GRB10: variants seen among roughly 807,000 people sequenced by gnomAD.
GRB10 encodes growth factor receptor-bound protein 10.
GRB10 carries 20 observed loss-of-function variants against 80.9 expected under a neutral mutation model. That is an observed-to-expected ratio of 0.25 (90% CI 0.17 to 0.36). GRB10 has a LOEUF of 0.36. Ranked by LOEUF, GRB10 falls within the 10% of genes least tolerant of loss-of-function variation. The pLI is 1.00. For synonymous variants in GRB10, 291 were observed against 291.5 expected (o/e 1.00, Z 0.02); for missense variants, 548 against 747.7 (o/e 0.73, Z 3.12).
chr7:50,714,480 G>A (rs568162583), intron 4 of GRB10, among the ~76,000 whole-genome samples: 219 of 152,252 alleles, frequency 1.4e-3, no homozygotes, highest in African/African-American at 5.1e-3. Flanking sequence ...TGGCTAACAC[G>A]GTGAAACCCC....
rs777079447 is a variant in GRB10, at chr7:50,647,278, G to T, written c.505-20300C>A. On this transcript the variant is annotated intron_variant, in intron 7 of 18. Transcript: ENST00000401949. Reference sequence around the variant, plus strand: ...AGAATTACAAGAGGGATTTCCACCAGTAACATCTTTTTTTGAAAAAAGTTT... The same window carrying T: ...AGAATTACAAGAGGGATTTCCACCATTAACATCTTTTTTTGAAAAAAGTTT... Among the ~76,000 whole-genome samples the T allele has an allele frequency of 9.2e-5, 14 of 152,326 alleles. No individual in the cohort carries two copies. In the East Asian group the frequency reaches 1.7e-3, roughly 19 times the overall value.
intron 7 of GRB10, among the ~76,000 whole-genome samples, chr7:50,661,808 C>T (rs1485378418): frequency 6.6e-6 from 1 of 152,178 alleles, no homozygotes; most frequent in Non-Finnish European, 1.5e-5. Context: ...ACCTGGCTTA[C>T]CCACCCGTAT....
At position 50,647,383 on chromosome 7, in the gene GRB10, G is replaced by A. The variant is rs115274766; in HGVS notation, c.505-20405C>T. On this transcript the variant is annotated intron_variant, in intron 7 of 18. Transcript: ENST00000401949. ...TTTGAAAAAATGTTTTCAGATTTGA[G>A]TCAGATTGGCCGAACCTTTTCAAGC... Among the ~76,000 whole-genome samples, 452 of 152,276 alleles carry A rather than the reference G, an allele frequency of 3.0e-3. 1 individual carries two copies. Among genetic ancestry groups the A allele is most frequent in the African/African-American group, 8.9e-3 (369 of 41,554 alleles).
chr7:50,740,149 A>C (rs1157769170), intron 3 of GRB10, among the ~76,000 whole-genome samples: 1 of 152,244 alleles, frequency 6.6e-6, no homozygotes, highest in African/African-American at 2.4e-5. Flanking sequence ...CGTGTGTTTC[A>C]GAATTTCTCC....
chr7:50,713,318 A>T (rs1436252129), intron 4 of GRB10, among the ~76,000 whole-genome samples: 2 of 148,706 alleles, frequency 1.3e-5, no homozygotes, highest in Non-Finnish European at 3.0e-5. Flanking sequence ...TTCCACCAGC[A>T]CTCCACCCCT....
intron 5 of GRB10, among the ~76,000 whole-genome samples, chr7:50,686,379 A>T (rs1391446665): frequency 6.6e-6 from 1 of 152,200 alleles, no homozygotes; most frequent in Non-Finnish European, 1.5e-5. Context: ...AAATAAATTT[A>T]TGTTGTTTGT....
intron 2 of GRB10, among the ~76,000 whole-genome samples, chr7:50,766,367 T>C (rs1416187959): frequency 6.6e-6 from 1 of 152,226 alleles, no homozygotes; most frequent in Non-Finnish European, 1.5e-5. Flanking sequence ...CCCTTTTCTA[T>C]ACAGGCAGCT....
intron 5 of GRB10, among the ~76,000 whole-genome samples, chr7:50,679,606 G>T (rs573209741): frequency 6.6e-5 from 10 of 152,178 alleles, no homozygotes; most frequent in Non-Finnish European, 1.2e-4. Context: ...TTCCATCAGT[G>T]TGCGATGCCT....
At chr7:50,744,772 G>T (rs1251045774) in intron 3 of GRB10, among the ~76,000 whole-genome samples, 1 of 152,180 alleles carries the variant, frequency 6.6e-6, no homozygotes, top group Non-Finnish European at 1.5e-5. Context: ...GGCATTTAAA[G>T]CGTATACTTG....
chr7:50,627,411 T>C (rs1327053808), intron 7 of GRB10, among the ~76,000 whole-genome samples: 4 of 152,284 alleles, frequency 2.6e-5, no homozygotes, highest in East Asian at 3.9e-4. Context: ...TCATAACCTT[T>C]GACGAGTCGA....
chr7:50,715,108 GC>G (rs1399828090), intron 4 of GRB10, among the ~76,000 whole-genome samples: 2 of 151,890 alleles, frequency 1.3e-5, no homozygotes. Flanking sequence ...AGGGCAGGGG[GC>G]CAAGGGTAAA....
In GRB10 at chr7:50,590,429, A is replaced by G. The variant is rs1036628360; in HGVS notation, c.*2523T>C. On this transcript the variant is annotated 3_prime_UTR_variant, in exon 19 of 19. Transcript: ENST00000401949. ...TGAGGCACATGTTTCTTCAAGGTTT[A>G]GCAAACAAAAGAACATTCTGGAACT... is the stretch of plus-strand genomic sequence containing the variant. The G allele has an allele frequency of 6.6e-6, 1 of 152,302 alleles. No homozygotes were observed. Among genetic ancestry groups the G allele is most frequent in the African/African-American group, 2.4e-5 (1 of 41,458 alleles). The allele number at this position is 152,302 out of a possible 1,614,324, so 9.4% of individuals were successfully genotyped here.
chr7:50,740,067 G>A (rs576534669), intron 3 of GRB10, among the ~76,000 whole-genome samples: 5 of 152,252 alleles, frequency 3.3e-5, no homozygotes, highest in Admixed American at 2.0e-4. Context: ...TTGTTATTTA[G>A]CCACAAATCC....
chr7:50,742,515 C>T (rs2072071239), intron 3 of GRB10, among the ~76,000 whole-genome samples: 1 of 152,192 alleles, frequency 6.6e-6, no homozygotes, highest in South Asian at 2.1e-4. Flanking sequence ...TGCTTGTTAA[C>T]ACACAAATTC....
chr7:50,756,895 T>G (rs946917509), intron 2 of GRB10, among the ~76,000 whole-genome samples: 5 of 152,326 alleles, frequency 3.3e-5, no homozygotes, highest in African/African-American at 1.2e-4. Context: ...GCAGTGTGAC[T>G]GGCATGCAGC....
intron 8 of GRB10, among the ~76,000 whole-genome samples, chr7:50,620,904 A>G (rs902435669): frequency 3.9e-5 from 6 of 152,234 alleles, no homozygotes; most frequent in African/African-American, 1.4e-4. Flanking sequence ...ACAGGAAAAA[A>G]CAAAAACAAA....
intron 3 of GRB10, among the ~76,000 whole-genome samples, chr7:50,734,570 G>A (rs1200025838): frequency 3.9e-5 from 6 of 152,178 alleles, no homozygotes; most frequent in Non-Finnish European, 7.3e-5. Flanking sequence ...TCCTGGATGT[G>A]TTTGACATAT....
intron 2 of GRB10, among the ~76,000 whole-genome samples, chr7:50,763,509 T>A (rs1427352338): frequency 1.3e-5 from 2 of 152,242 alleles, no homozygotes; most frequent in African/African-American, 4.8e-5. Context: ...CTTCTTGGAA[T>A]AGCTTATCCT....
At chr7:50,767,479 C>G (rs536244753) in intron 2 of GRB10, among the ~76,000 whole-genome samples, 1 of 152,180 alleles carries the variant, frequency 6.6e-6, no homozygotes, top group Admixed American at 6.5e-5. Context: ...TCTCTGGCCA[C>G]ACGGTCACAA....
Sources: allele counts gnomAD v4.1 joint callset (sites outside exome capture counted in the v4.1 genomes callset), GRCh38; gene constraint gnomAD v4.1.1; transcripts MANE v1.5; gene names NCBI Gene and HGNC (gene_info 2026-07-23, HGNC 2026-07-21).